The following GPR89A variants were observed in gnomAD, a reference collection of about 807,000 sequenced individuals.
GPR89A encodes G protein-coupled receptor 89A.
In GPR89A, 16 loss-of-function variants were observed where a neutral mutation model predicts 52.0. That is an observed-to-expected ratio of 0.31 (90% CI 0.21 to 0.47). GPR89A has a LOEUF of 0.47. Among genes scored for constraint, GPR89A ranks in the 20% least tolerant of loss-of-function variants. The probability of loss-of-function intolerance (pLI) is 1.00; values close to 1 mark genes in which losing one functional copy is unlikely to be tolerated. For synonymous variants in GPR89A, 55 were observed against 150.9 expected (o/e 0.36, Z 4.66); for missense variants, 135 against 449.4 (o/e 0.30, Z 6.33).
chr1:145,651,052 T>G (rs1451933594), intron 10 of GPR89A, among the ~76,000 whole-genome samples: 1 of 152,118 alleles, frequency 6.6e-6, no homozygotes, highest in Non-Finnish European at 1.5e-5. Context: ...GACATTTTTG[T>G]CATGAAACCT....
At chr1:145,668,284 C>T (rs1431343904) in intron 12 of GPR89A, among the ~76,000 whole-genome samples, 1 of 152,200 alleles carries the variant, frequency 6.6e-6, no homozygotes, top group Admixed American at 6.5e-5. Context: ...AGAGGTCCTT[C>T]ACATCCCTTG....
At chr1:145,651,128 T>C (rs1285166403) in intron 10 of GPR89A, among the ~76,000 whole-genome samples, 2 of 151,890 alleles carry the variant, frequency 1.3e-5, no homozygotes, top group African/African-American at 4.8e-5. Context: ...AGTTTGGGGT[T>C]TTACATTTAA....
chr1:145,624,615 G>A (rs1431898707), intron 5 of GPR89A, among the ~76,000 whole-genome samples: 4 of 150,314 alleles, frequency 2.7e-5, no homozygotes, highest in Non-Finnish European at 5.9e-5. Context: ...AAAGCAGAAA[G>A]TGATTAATTA....
intron 7 of GPR89A, among the ~76,000 whole-genome samples, chr1:145,641,659 T>G (rs1487729535): frequency 2.6e-5 from 4 of 152,162 alleles, no homozygotes; most frequent in South Asian, 2.1e-4. Flanking sequence ...TTTTTTAGCT[T>G]CTTCTGTTGT....
intron 9 of GPR89A, chr1:145,646,629 A>G (rs1343392079): frequency 7.1e-6 from 2 of 282,504 alleles, no homozygotes; most frequent in South Asian, 5.6e-5. Context: ...CCTATCTGCC[A>G]TGGATGGCCT....
At chr1:145,615,406 C>T (rs1553686785) in intron 1 of GPR89A, among the ~76,000 whole-genome samples, 1 of 151,878 alleles carries the variant, frequency 6.6e-6, no homozygotes, top group Non-Finnish European at 1.5e-5. Flanking sequence ...CGCAGTGGTG[C>T]AATCATGGCT....
chr1:145,615,268 A>C (rs587716702), intron 1 of GPR89A, among the ~76,000 whole-genome samples: 2 of 152,356 alleles, frequency 1.3e-5, no homozygotes, highest in African/African-American at 4.8e-5. Flanking sequence ...GATATAAAAA[A>C]TATTAGGCTT....
intron 10 of GPR89A, among the ~76,000 whole-genome samples, chr1:145,658,266 T>C (rs1651950014): frequency 6.6e-6 from 1 of 151,478 alleles, no homozygotes; most frequent in South Asian, 2.1e-4. Context: ...TACCCAGCCC[T>C]AGCATAATGT....
intron 10 of GPR89A, among the ~76,000 whole-genome samples, chr1:145,647,485 G>A (rs1651082530): frequency 6.6e-6 from 1 of 151,922 alleles, no homozygotes; most frequent in African/African-American, 2.4e-5. Flanking sequence ...GTCAGAAATT[G>A]TTAATAAGGC....
At chr1:145,615,727 G>A (rs1559022690) in intron 1 of GPR89A, among the ~76,000 whole-genome samples, 2 of 144,930 alleles carry the variant, frequency 1.4e-5, no homozygotes, top group Admixed American at 7.0e-5. Context: ...CCAGATTCAA[G>A]CGATTCTCAT....
At chr1:145,608,587 G>A (rs587662983) in intron 1 of GPR89A, 2 of 568,408 alleles carry the variant, frequency 3.5e-6, no homozygotes, top group Non-Finnish European at 5.4e-6. Flanking sequence ...ACTGGATACT[G>A]AGGACACGTC....
intron 10 of GPR89A, among the ~76,000 whole-genome samples, chr1:145,648,728 G>A (rs868963205): frequency 6.6e-5 from 10 of 150,942 alleles, no homozygotes; most frequent in Middle Eastern, 3.2e-3. Flanking sequence ...CAATCTGCCC[G>A]TCTCAGCCTC....
chr1:145,668,128 G>A (rs1235737102), intron 12 of GPR89A, among the ~76,000 whole-genome samples: 3 of 152,156 alleles, frequency 2.0e-5, no homozygotes, highest in Non-Finnish European at 2.9e-5. Flanking sequence ...GTAGCTTGAT[G>A]TGGATGGCAT....
chr1:145,613,916 A>G (rs1648482515), intron 1 of GPR89A, among the ~76,000 whole-genome samples: 1 of 151,950 alleles, frequency 6.6e-6, no homozygotes, highest in Non-Finnish European at 1.5e-5. Context: ...CCTCCCCATA[A>G]GCTGGAACTA....
At chr1:145,659,910 A>T (rs1652074206) in intron 10 of GPR89A, among the ~76,000 whole-genome samples, 1 of 149,692 alleles carries the variant, frequency 6.7e-6, no homozygotes. Context: ...TGAGCATGGA[A>T]TGTTCTTCCA....
intron 10 of GPR89A, among the ~76,000 whole-genome samples, chr1:145,654,468 G>A (rs1553694162): frequency 1.3e-5 from 2 of 148,192 alleles, no homozygotes; most frequent in East Asian, 2.0e-4. Flanking sequence ...CAGGAGAATG[G>A]CATGAACCCA....
intron 5 of GPR89A, among the ~76,000 whole-genome samples, chr1:145,626,044 G>A (rs1309658888): frequency 6.0e-5 from 9 of 150,528 alleles, no homozygotes; most frequent in Non-Finnish European, 1.2e-4. Flanking sequence ...TAGGAATTTA[G>A]GAAATGCTAA....
chr1:145,625,029 C>T (rs587668353), intron 5 of GPR89A, among the ~76,000 whole-genome samples: 1 of 151,860 alleles, frequency 6.6e-6, no homozygotes, highest in South Asian at 2.1e-4. Flanking sequence ...TGCCATACCT[C>T]CCACACACCC....
At chr1:145,659,275 C>T (rs1652022853) in intron 10 of GPR89A, among the ~76,000 whole-genome samples, 2 of 151,970 alleles carry the variant, frequency 1.3e-5, no homozygotes, top group Non-Finnish European at 2.9e-5. Flanking sequence ...ACCTCCACCT[C>T]CCAGGTTCAA....
Sources: allele counts gnomAD v4.1 joint callset (sites outside exome capture counted in the v4.1 genomes callset), GRCh38; gene constraint gnomAD v4.1.1; transcripts MANE v1.5; gene names NCBI Gene and HGNC (gene_info 2026-07-23, HGNC 2026-07-21).